The following SLC35D4 variants were observed in gnomAD, a reference collection of about 807,000 sequenced individuals.
SLC35D4 encodes solute carrier family 35 member D4, also known as UDP-N-acetylglucosamine transporter SLC35D4.
the SLC35D4 span, among the ~76,000 whole-genome samples, chr18:23,324,762 G>A: frequency 2.6e-5 from 4 of 152,202 alleles, no homozygotes; most frequent in Non-Finnish European, 5.9e-5. Flanking sequence ...GGCAGTCTAC[G>A]GAGGGGGAAC....
At chr18:23,301,706 T>A in the SLC35D4 span, among the ~76,000 whole-genome samples, 1 of 152,176 alleles carries the variant, frequency 6.6e-6, no homozygotes, top group Non-Finnish European at 1.5e-5. Flanking sequence ...GAAGGGTGAC[T>A]CTCCCCATCT....
At chr18:23,436,033 CTTTTTTT>C in the SLC35D4 span, among the ~76,000 whole-genome samples, 6 of 96,240 alleles carry the variant, frequency 6.2e-5, no homozygotes, top group Admixed American at 3.6e-4. Flanking sequence ...AACACTTTCT[CTTTTTTT>C]TTTTTTTTTT....
At chr18:23,267,165 G>A in the SLC35D4 span, among the ~76,000 whole-genome samples, 246 of 152,336 alleles carry the variant, frequency 1.6e-3, 2 homozygotes, top group African/African-American at 5.4e-3. Context: ...GCTGACTTGA[G>A]GAACCGGGGG....
the SLC35D4 span, among the ~76,000 whole-genome samples, chr18:23,349,705 G>A: frequency 2.0e-5 from 3 of 152,180 alleles, no homozygotes; most frequent in Admixed American, 6.5e-5. Context: ...CTTCTTATAA[G>A]TGGTACTTAT....
At chr18:23,373,615 C>T in the SLC35D4 span, 1 of 1,413,514 alleles carries the variant, frequency 7.1e-7, no homozygotes, top group African/African-American at 1.4e-5. Context: ...CCAAGTTATC[C>T]TGCTTCTAAA....
the SLC35D4 span, among the ~76,000 whole-genome samples, chr18:23,246,452 C>T: frequency 1.3e-5 from 2 of 151,914 alleles, no homozygotes; most frequent in Non-Finnish European, 2.9e-5. Flanking sequence ...AGTGCAGTGG[C>T]AAGATCTTGG....
chr18:23,322,393 G>A, the SLC35D4 span, among the ~76,000 whole-genome samples: 1 of 152,220 alleles, frequency 6.6e-6, no homozygotes, highest in Non-Finnish European at 1.5e-5. Flanking sequence ...AGGAGGTGGA[G>A]TGGGCAGTAG....
At chr18:23,384,987 T>G in the SLC35D4 span, 4 of 1,613,342 alleles carry the variant, frequency 2.5e-6, no homozygotes, top group Non-Finnish European at 2.5e-6. Flanking sequence ...CATGATCGTT[T>G]ACCTCTTTCT....
the SLC35D4 span, among the ~76,000 whole-genome samples, chr18:23,436,379 T>G: frequency 6.6e-6 from 1 of 152,088 alleles, no homozygotes; most frequent in South Asian, 2.1e-4. Flanking sequence ...GTTAAGAAAC[T>G]TAGGTTTAGA....
chr18:23,257,644 G>C, the SLC35D4 span: 1 of 323,900 alleles, frequency 3.1e-6, no homozygotes. Context: ...ATCCCTAGCT[G>C]CCCCAGCCCA....
At chr18:23,366,116 T>C in the SLC35D4 span, among the ~76,000 whole-genome samples, 2 of 152,238 alleles carry the variant, frequency 1.3e-5, no homozygotes, top group Non-Finnish European at 2.9e-5. Context: ...TCCAAGAGGC[T>C]AGCCCACAAT....
chr18:23,276,022 G>A, the SLC35D4 span, among the ~76,000 whole-genome samples: 3 of 152,154 alleles, frequency 2.0e-5, no homozygotes, highest in African/African-American at 4.8e-5. Context: ...GGATGGTGGT[G>A]ATGGCTGCAC....
At chr18:23,272,975 G>A in the SLC35D4 span, among the ~76,000 whole-genome samples, 1 of 152,302 alleles carries the variant, frequency 6.6e-6, no homozygotes, top group East Asian at 1.9e-4. Context: ...TTCTGCCTTT[G>A]TCTTCCTAGC....
chr18:23,406,471 T>C, the SLC35D4 span, among the ~76,000 whole-genome samples: 2 of 152,200 alleles, frequency 1.3e-5, no homozygotes, highest in Non-Finnish European at 2.9e-5. Flanking sequence ...AGCTCTTAAG[T>C]AAGCAGACCA....
At chr18:23,386,158 TG>T in the SLC35D4 span, among the ~76,000 whole-genome samples, 1 of 130,956 alleles carries the variant, frequency 7.6e-6, no homozygotes, top group Admixed American at 7.6e-5. Context: ...GAAAGAAAAA[TG>T]GTCCCCTAAA....
chr18:23,389,214 CCTGACCTCAA>C, the SLC35D4 span, among the ~76,000 whole-genome samples: 1 of 152,066 alleles, frequency 6.6e-6, no homozygotes, highest in East Asian at 1.9e-4. Context: ...GTCTCGAACT[CCTGACCTCAA>C]GTGATCTGCC....
At chr18:23,404,287 A>G in the SLC35D4 span, among the ~76,000 whole-genome samples, 5 of 152,174 alleles carry the variant, frequency 3.3e-5, no homozygotes, top group Non-Finnish European at 7.4e-5. Context: ...TTGAAGTCCT[A>G]ACCTCCAAAG....
the SLC35D4 span, chr18:23,370,161 T>C: frequency 1.3e-6 from 2 of 1,495,474 alleles, no homozygotes; most frequent in Non-Finnish European, 9.1e-7. Flanking sequence ...ATCACGCCAT[T>C]GCACTCCAAC....
At chr18:23,269,987 T>A in the SLC35D4 span, among the ~76,000 whole-genome samples, 1 of 152,232 alleles carries the variant, frequency 6.6e-6, no homozygotes, top group African/African-American at 2.4e-5. Flanking sequence ...GCTAGCTGTA[T>A]AAATTTGCAT....
Sources: allele counts gnomAD v4.1 joint callset (sites outside exome capture counted in the v4.1 genomes callset), GRCh38; gene constraint gnomAD v4.1.1; transcripts MANE v1.5; gene names NCBI Gene and HGNC (gene_info 2026-07-23, HGNC 2026-07-21).